PRCP: variants seen among roughly 807,000 people sequenced by gnomAD.
PRCP encodes the protein prolylcarboxypeptidase.
In PRCP, 46 loss-of-function variants were observed where a neutral mutation model predicts 54.2. The ratio of observed to expected loss-of-function variants is 0.85; its 90% CI spans 0.67 to 1.09. The LOEUF (loss-of-function observed/expected upper bound fraction) is 1.09. Among genes scored for constraint, PRCP ranks in the 50% least tolerant of loss-of-function variants. The probability of loss-of-function intolerance (pLI) is 0.00; values close to 1 mark genes in which losing one functional copy is unlikely to be tolerated. For missense variants in PRCP, 613 were observed against 596.8 expected (o/e 1.03, Z -0.28); for synonymous variants, 240 against 212.2 (o/e 1.13, Z -1.14).
At chr11:82,883,691 A>C (rs1341007769) in intron 1 of PRCP, among the ~76,000 whole-genome samples, 1 of 152,210 alleles carries the variant, frequency 6.6e-6, no homozygotes, top group Non-Finnish European at 1.5e-5. Flanking sequence ...TGTTGACTGC[A>C]CTTGTTAGAT....
intron 7 of PRCP, 96 bp from the exon 8 acceptor site, chr11:82,838,670 G>T: frequency 7.8e-7 from 1 of 1,282,954 alleles, no homozygotes; most frequent in Non-Finnish European, 1.1e-6. Context: ...AGTAGTGAAG[G>T]CAGGGTTTGA....
At chr11:82,875,784 T>C (rs1265528624) in intron 1 of PRCP, among the ~76,000 whole-genome samples, 2 of 152,110 alleles carry the variant, frequency 1.3e-5, no homozygotes, top group Non-Finnish European at 2.9e-5. Flanking sequence ...TAACCAGTGG[T>C]ACACAAGGCC....
chr11:82,839,721 C>G (rs765559214), intron 6 of PRCP: 11 of 340,848 alleles, frequency 3.2e-5, no homozygotes, highest in Non-Finnish European at 5.3e-5. Context: ...GAAAACCATT[C>G]CCCACCACAC....
At chr11:82,852,521 A>T (rs1399879976) in intron 3 of PRCP, among the ~76,000 whole-genome samples, 1 of 152,234 alleles carries the variant, frequency 6.6e-6, no homozygotes, top group Non-Finnish European at 1.5e-5. Flanking sequence ...GATAATGCTA[A>T]GTTTAAAAAG....
chr11:82,863,162 A>AT (rs1398710006), intron 1 of PRCP, among the ~76,000 whole-genome samples: 1 of 152,260 alleles, frequency 6.6e-6, no homozygotes, highest in Non-Finnish European at 1.5e-5. Flanking sequence ...AAAACCCAGT[A>AT]AACTGTGCTT....
rs33954574 is a variant in PRCP, at chr11:82,850,109, G to GA, written c.594-39dup. The GA allele has an allele frequency of 2.9e-4, 281 of 964,902 alleles. 2 individuals carry two copies. Among genetic ancestry groups the GA allele is most frequent in the Non-Finnish European group, 3.3e-4 (244 of 738,906 alleles). The allele number at this position is 964,902 out of a possible 1,614,324, so 59.8% of individuals were successfully genotyped here. On this transcript the variant is annotated intron_variant, in intron 4 of 8. Coordinates refer to ENST00000313010, the MANE Select transcript of PRCP (RefSeq NM_005040.4). ...AAAATCAAAGAAAGAAAAAAGAAAA[G>GA]AAAAAATATATATATATATTATATA...
At position 82,900,429 on chromosome 11, in the gene PRCP, G is replaced by T. The variant is rs374136526; in HGVS notation, c.-27C>A. 1 of 1,608,820 alleles carries T rather than the reference G, an allele frequency of 6.2e-7. No homozygotes were observed. Among genetic ancestry groups the T allele is most frequent in the South Asian group, 1.1e-5 (1 of 90,948 alleles). On this transcript the variant is annotated 5_prime_UTR_variant, in exon 1 of 9. Transcript: ENST00000313010. Reference sequence around the variant, plus strand: ...GCTCAGGCTGGAGACTGCAGTGCGGGTGGGAGGGCGAAAAGGAGGCCAGCA... The same window carrying T: ...GCTCAGGCTGGAGACTGCAGTGCGGTTGGGAGGGCGAAAAGGAGGCCAGCA...
intron 1 of PRCP, among the ~76,000 whole-genome samples, chr11:82,884,219 T>C (rs1039378777): frequency 7.2e-5 from 11 of 152,324 alleles, no homozygotes; most frequent in Middle Eastern, 3.4e-3. Context: ...ATCACAATGA[T>C]GCTGGCCAAA....
upstream of PRCP, chr11:82,900,733 A>G: frequency 1.9e-6 from 1 of 513,400 alleles, no homozygotes; most frequent in Admixed American, 2.3e-5. Flanking sequence ...TGCTTTATCT[A>G]TAGCGCCCCC....
chr11:82,881,979 T>C (rs1264184180), intron 1 of PRCP, among the ~76,000 whole-genome samples: 1 of 152,256 alleles, frequency 6.6e-6, no homozygotes, highest in Non-Finnish European at 1.5e-5. Context: ...ATGTATTATA[T>C]TCTGTACTCC....
intron 1 of PRCP, among the ~76,000 whole-genome samples, chr11:82,882,786 C>A (rs184581296): frequency 5.7e-4 from 84 of 147,914 alleles, no homozygotes; most frequent in Non-Finnish European, 1.1e-3. Flanking sequence ...TGAGCCACCG[C>A]GCCCGGCCGA....
At chr11:82,838,288 A>G in intron 8 of PRCP, 99 bp downstream of exon 8, 1 of 1,131,066 alleles carries the variant, frequency 8.8e-7, no homozygotes, top group East Asian at 2.4e-5. Context: ...GTTGTATTCT[A>G]TGTTGTTATA....
At chr11:82,829,768 A>G (rs1007893262) in intron 8 of PRCP, 1 of 152,224 alleles carries the variant, frequency 6.6e-6, no homozygotes, top group Non-Finnish European at 1.5e-5. Context: ...AATTTACTGA[A>G]TGAACTTAAA....
At chr11:82,891,377 C>T (rs1860006298) in intron 1 of PRCP, among the ~76,000 whole-genome samples, 1 of 152,210 alleles carries the variant, frequency 6.6e-6, no homozygotes, top group Non-Finnish European at 1.5e-5. Context: ...TTTGCAACAA[C>T]CTGGTCTTTC....
intron 1 of PRCP, among the ~76,000 whole-genome samples, chr11:82,882,373 C>G (rs566528216): frequency 3.9e-5 from 6 of 152,182 alleles, no homozygotes; most frequent in African/African-American, 1.4e-4. Flanking sequence ...GAAGTTAAAC[C>G]TGTTTTGGAC....
chr11:82,838,300 T>C (rs988294029), intron 8 of PRCP, 87 bp downstream of exon 8: 9 of 1,248,560 alleles, frequency 7.2e-6, no homozygotes, highest in Non-Finnish European at 1.0e-5. Context: ...GTTGTTATAT[T>C]GTCCAGCATT....
chr11:82,850,080 C>T lies in PRCP; in HGVS notation c.594-9G>A, dbSNP rs534291970. The T allele has an allele frequency of 5.2e-6, 7 of 1,348,704 alleles. No individual in the cohort carries two copies. In the East Asian group the frequency reaches 1.7e-4, roughly 32 times the overall value. 83.5% of individuals were successfully genotyped at this position (1,348,704 alleles called of 1,614,324 possible). On this transcript the variant is annotated splice_polypyrimidine_tract_variant and intron_variant, in intron 4 of 8. Coordinates refer to ENST00000313010, the MANE Select transcript of PRCP (RefSeq NM_005040.4). ...CAGAAGCTGCAAGAGCTCTAAATGG[C>T]AAGAAAATCAAAGAAAGAAAAAAGA...
At chr11:82,859,883 G>A in intron 2 of PRCP, 94 bp downstream of exon 2, 1 of 1,226,106 alleles carries the variant, frequency 8.2e-7, no homozygotes. Context: ...ATTAAGAACA[G>A]CAATGTTTGG....
chr11:82,883,454 C>T (rs920447364), intron 1 of PRCP, among the ~76,000 whole-genome samples: 2 of 152,206 alleles, frequency 1.3e-5, no homozygotes, highest in African/African-American at 4.8e-5. Context: ...ATGTCTGGCA[C>T]ACAGTGTCAA....
Sources: allele counts gnomAD v4.1 joint callset (sites outside exome capture counted in the v4.1 genomes callset), GRCh38; gene constraint gnomAD v4.1.1; transcripts MANE v1.5; gene names NCBI Gene and HGNC (gene_info 2026-07-23, HGNC 2026-07-21).